The following TTN variants were observed in gnomAD, a reference collection of about 807,000 sequenced individuals.
TTN encodes connectin.
TTN carries 1,525 observed loss-of-function variants against 3,223.0 expected under a neutral mutation model. The observed-to-expected ratio is 0.47, with a 90% CI of 0.45 to 0.49. The LOEUF is 0.49. Ranked by LOEUF, TTN falls within the 20% of genes least tolerant of loss-of-function variation. TTN has a pLI of 0.00. For synonymous variants in TTN, 14,094 were observed against 15,161.0 expected, an observed-to-expected ratio of 0.93 and a Z score of 5.17; for missense variants, 40,786 against 43,424.0, an observed-to-expected ratio of 0.94 and a Z score of 5.40.
chr2:178,752,541 C>T (rs1357472172), intron 47 of TTN, among the ~76,000 whole-genome samples: 1 of 151,874 alleles, frequency 6.6e-6, no homozygotes, highest in African/African-American at 2.4e-5. Context: ...ACTAATACAG[C>T]CATAAAGTCA....
At chr2:178,797,750 T>C (rs1467909673) in intron 6 of TTN, among the ~76,000 whole-genome samples, 1 of 152,166 alleles carries the variant, frequency 6.6e-6, no homozygotes, top group East Asian at 1.9e-4. Context: ...TTTTCACAAG[T>C]GCTGTTTGGT....
chr2:178,550,988 T>C lies in TTN; in HGVS notation c.91543A>G (p.Ile30515Val), dbSNP rs1699213843. ...TTACCATTTTCATCTCTTGTCATAA[T>C]AATGCCAGAAGACTGTGAGGGCGGG... is the stretch of plus-strand genomic sequence containing the variant. ...ISPPSQSSGI[I>V]MTRDENVPPI... The change falls in exon 336 of 363, where the codon ATT (isoleucine) becomes GTT (valine). Residue 30515 changes from isoleucine (I) to valine (V), a missense_variant. By Grantham distance (29) the Ile-to-Val change is conservative. Transcript: ENST00000589042. 2 of 1,613,000 alleles carry C rather than the reference T, an allele frequency of 1.2e-6. No homozygotes were observed. The highest frequency in any genetic ancestry group is 1.7e-5 in the Admixed American group (1 of 59,962).
Position 178,568,468 on chromosome 2 carries a change from T to G in TTN, c.77664A>C (p.Leu25888=). Residue 25888 remains leucine (L), a synonymous_variant, in exon 326 of 363, where the codon CTA becomes CTC. Transcript: ENST00000589042. Reference sequence around the variant, plus strand: ...GTCCTTTTGGAGGATCAGGTTTATCTAGAGTTACAATTTCGATGGATGCTG... The same window carrying G: ...GTCCTTTTGGAGGATCAGGTTTATCGAGAGTTACAATTTCGATGGATGCTG... ...QKTASIEIVT[L]DKPDPPKGPV... 6.2e-7 allele frequency: 1 copy of G among 1,613,392 alleles called. No individual in the cohort carries two copies. The highest frequency in any genetic ancestry group is 8.5e-7 in the Non-Finnish European group (1 of 1,179,584).
intron 103 of TTN, 82 bp from the exon 104 acceptor site, chr2:178,705,048 C>A: frequency 6.4e-7 from 1 of 1,566,716 alleles, no homozygotes; most frequent in East Asian, 2.2e-5. Context: ...AGCTTCCATT[C>A]TGGATGCTGG....
At position 178,756,499 on chromosome 2, in the gene TTN, C is replaced by T. The variant is rs369327691; in HGVS notation, c.10977G>A (p.Ala3659=). The T allele has an allele frequency of 1.4e-4, 223 of 1,613,756 alleles. No individual in the cohort carries two copies. The highest frequency in any genetic ancestry group is 2.7e-4 in the Admixed American group (16 of 60,000). Residue 3659 remains alanine, a synonymous_variant, in exon 46 of 363, where the codon GCG becomes GCA. Transcript: ENST00000589042. ...CCTGAAGATGCAGGAAAATCTTGGG[C>T]GCCTCACCCGTGGACTCTTTAGCAC... ...KECAKESTGE[A]PKIFLHLQDV...
chr2:178,782,972 C>T lies in TTN; in HGVS notation c.2934G>A (p.Arg978=). 6.2e-7 allele frequency: 1 copy of T among 1,614,122 alleles called. No homozygotes were observed. The highest frequency in any genetic ancestry group is 1.1e-5 in the South Asian group (1 of 91,078). Residue 978 remains arginine, a synonymous_variant, in exon 18 of 363, where the codon AGG becomes AGA. Coordinates refer to ENST00000589042, the MANE Select transcript of TTN (RefSeq NM_001267550.2). ...GYPSPTVTWY[R]EDYQIESSID... ...TGGAACTTTCGATTTGGTAGTCTTC[C>T]CTGTACCATGTCACTGTCGGGGATG... is the stretch of plus-strand genomic sequence containing the variant.
chr2:178,782,202 A>T lies in TTN; in HGVS notation c.3380+10T>A, dbSNP rs760274424. 3 of 1,613,948 alleles carry T rather than the reference A, an allele frequency of 1.9e-6. No homozygotes were observed. Among genetic ancestry groups the T allele is most frequent in the Admixed American group, 1.7e-5 (1 of 59,992 alleles). On this transcript the variant is annotated intron_variant, in intron 20 of 362. Coordinates refer to ENST00000589042, the MANE Select transcript of TTN (RefSeq NM_001267550.2). ...GTCACAGAGAACTCTATATTCAGCC[A>T]TCAAAATACCTGTATCCAGTGGTTA...
chr2:178,715,436 G>A (rs1577909726), intron 89 of TTN, 57 bp downstream of exon 89: 2 of 1,550,866 alleles, frequency 1.3e-6, no homozygotes, highest in South Asian at 2.5e-5. Flanking sequence ...AGGAAGTTAA[G>A]AGGACAATTA....
chr2:178,680,804 G>A (rs565796326), intron 138 of TTN, among the ~76,000 whole-genome samples: 1 of 152,152 alleles, frequency 6.6e-6, no homozygotes, highest in African/African-American at 2.4e-5. Flanking sequence ...ATGCCAAACG[G>A]TCACTGATTT....
Position 178,636,646 on chromosome 2 carries a change from A to G in TTN, c.41081T>C (p.Leu13694Ser). 1 of 1,613,376 alleles carries G rather than the reference A, an allele frequency of 6.2e-7. No homozygotes were observed. Among genetic ancestry groups the G allele is most frequent in the South Asian group, 1.1e-5 (1 of 91,078 alleles). Residue 13694 changes from leucine (L) to serine (S), a missense_variant, in exon 225 of 363, where the codon TTG becomes TCG. By Grantham distance (145) the Leu-to-Ser change is moderately radical. Transcript: ENST00000589042. The surrounding 1 kb of genome is among the most constrained non-coding windows in gnomAD (Gnocchi z 4.3). The stretch of plus-strand genomic sequence containing the variant: ...AGAGCCAACGAACTCTGATTCTGTC[A>G]AGATGATGTCTTTGATTTCTTTCAC... ...KFVKEIKDII[L>S]TESEFVGSSA...
chr2:178,719,809 G>A lies in TTN; in HGVS notation c.23683C>T (p.Pro7895Ser). 6.2e-7 allele frequency: 1 copy of A among 1,611,218 alleles called. No homozygotes were observed. Among genetic ancestry groups the A allele is most frequent in the Non-Finnish European group, 8.5e-7 (1 of 1,178,078 alleles). ...VLEPARIIEK[P>S]EPMTVTTGNP... ...CCAGTAGTGACAGTCATGGGTTCGG[G>A]CTTCTCTATGATTCTTGCTGGTTCT... The change falls in exon 82 of 363, where the codon CCC becomes TCC. Residue 7895 changes from proline (P) to serine (S), a missense_variant. Pro to Ser is a moderately conservative substitution (Grantham distance 74). Coordinates refer to ENST00000589042, the MANE Select transcript of TTN (RefSeq NM_001267550.2).
At chr2:178,617,549 G>A (rs554994919) in intron 253 of TTN, 37 bp from the exon 254 acceptor site, 123 of 1,533,790 alleles carry the variant, frequency 8.0e-5, no homozygotes, top group Non-Finnish European at 9.0e-5. Context: ...TACCATTTAC[G>A]TTAGTGACAA....
chr2:178,713,673 T>C, intron 92 of TTN: 1 of 734,394 alleles, frequency 1.4e-6, no homozygotes, highest in Non-Finnish European at 2.1e-6. Context: ...GGGACTATTT[T>C]TCATTCCTAT....
chr2:178,745,496 T>C (rs1313602657), intron 47 of TTN: 2 of 1,560,392 alleles, frequency 1.3e-6, no homozygotes, highest in South Asian at 1.2e-5. Context: ...GTGGACCTGT[T>C]TGGAAGTTTA....
Position 178,720,552 on chromosome 2 carries a change from T to G in TTN, c.23210A>C (p.Lys7737Thr), listed in dbSNP as rs768911832. 26 of 1,613,358 alleles carry G rather than the reference T, an allele frequency of 1.6e-5. No homozygotes were observed. Among genetic ancestry groups the G allele is most frequent in the Non-Finnish European group, 1.1e-5 (13 of 1,179,608 alleles). The change falls in exon 80 of 363, where the codon AAA (lysine) becomes ACA (threonine). Residue 7737 changes from lysine to threonine, a missense_variant. Lys to Thr is a moderately conservative substitution (Grantham distance 78). Coordinates refer to ENST00000589042, the MANE Select transcript of TTN (RefSeq NM_001267550.2). ...GCTGTTTCTAACCTGCTTTCGATCT[T>G]TAACCCATACTACTTCAAATGGGGG... Reference protein sequence around the residue: ...GTPPFEVVWVKDRKQVRNSKK... With the variant: ...GTPPFEVVWVTDRKQVRNSKK...
At position 178,634,953 on chromosome 2, in the gene TTN, A is replaced by C. The variant is rs2060248241; in HGVS notation, c.42025-104T>G. 7.1e-7 allele frequency: 1 copy of C among 1,405,112 alleles called. No homozygotes were observed. Among genetic ancestry groups the C allele is most frequent in the Non-Finnish European group, 9.4e-7 (1 of 1,059,166 alleles). 87.0% of individuals were successfully genotyped at this position (1,405,112 alleles called of 1,614,324 possible). A position where few individuals can be genotyped will look rare whatever the true frequency, so the allele number is the denominator to read the frequency against. On this transcript the variant is annotated intron_variant, in intron 228 of 362. Transcript: ENST00000589042. The surrounding 1 kb of genome is among the most constrained non-coding windows in gnomAD (Gnocchi z 4.6). ...TAGAGTTTTAAAAATTACTACTAAT[A>C]AAAGTAAGCAGAGAATTCCCTGTCA...
rs747295333 is a variant in TTN, at chr2:178,563,603, T to C, written c.82529A>G (p.Asp27510Gly). Reference protein sequence around the residue: ...EIEGYILEKRDKEGVRWTKCN... With the variant: ...EIEGYILEKRGKEGVRWTKCN... ...CTTGGTCCATCTAACGCCTTCCTTATCTCGTTTTTCAAGAATGTAGCCCTC... is the reference window on the plus strand; with the variant it reads ...CTTGGTCCATCTAACGCCTTCCTTACCTCGTTTTTCAAGAATGTAGCCCTC... Residue 27510 changes from aspartate (D) to glycine (G), a missense_variant, in exon 326 of 363, where the codon GAT (aspartate) becomes GGT (glycine). Physicochemically the swap from Asp to Gly is moderately conservative, Grantham distance 94. Coordinates refer to ENST00000589042, the MANE Select transcript of TTN (RefSeq NM_001267550.2). The surrounding 1 kb of genome is among the most constrained non-coding windows in gnomAD (Gnocchi z 4.5). 1 of 1,613,754 alleles carries C rather than the reference T, an allele frequency of 6.2e-7. No individual in the cohort carries two copies. The highest frequency in any genetic ancestry group is 1.7e-5 in the Admixed American group (1 of 60,004).
At chr2:178,610,878 T>C (rs2056178469) in intron 270 of TTN, 115 bp downstream of exon 270, 1 of 1,274,988 alleles carries the variant, frequency 7.8e-7, no homozygotes, top group Admixed American at 2.3e-5. Context: ...AGAAGTGACA[T>C]TTAGTTTACA....
At chr2:178,770,953 G>T in intron 34 of TTN, 2 of 774,770 alleles carry the variant, frequency 2.6e-6, no homozygotes, top group Non-Finnish European at 4.4e-6. Context: ...GGAGAAGGGT[G>T]AAAGACGAAT....
Sources: gnomAD v4.1 joint callset for allele counts (sites outside exome capture counted in the v4.1 genomes callset) on GRCh38, gnomAD v4.1.1 for gene constraint, Gnocchi (gnomAD v3.1) non-coding constraint, MANE v1.5 for transcripts, NCBI Gene and HGNC (gene_info 2026-07-23, HGNC 2026-07-21) for gene names.